Variants in GRIK3 observed in about 807,000 individuals in gnomAD.
The protein encoded by GRIK3 is glutamate receptor ionotropic, kainate 3.
A neutral mutation model predicts 102.5 loss-of-function variants in GRIK3; 29 were observed. The ratio of observed to expected loss-of-function variants is 0.28; its 90% CI spans 0.21 to 0.39. The LOEUF (loss-of-function observed/expected upper bound fraction) is 0.39. Among genes scored for constraint, GRIK3 ranks in the 10% least tolerant of loss-of-function variants. The probability of loss-of-function intolerance (pLI) is 1.00; values close to 1 mark genes in which losing one functional copy is unlikely to be tolerated. For missense variants in GRIK3, 908 were observed against 1,252.4 expected (o/e 0.73, Z 4.15); for synonymous variants, 511 against 504.9 (o/e 1.01, Z -0.16).
intron 11 of GRIK3, among the ~76,000 whole-genome samples, chr1:36,824,356 G>C (rs953633135): frequency 6.6e-6 from 1 of 152,200 alleles, no homozygotes; most frequent in Non-Finnish European, 1.5e-5. Flanking sequence ...TAGACCATTA[G>C]AGACAAGAGG....
chr1:36,934,037 G>A (rs1411992236), intron 1 of GRIK3, among the ~76,000 whole-genome samples: 1 of 152,216 alleles, frequency 6.6e-6, no homozygotes, highest in Admixed American at 6.5e-5. Context: ...ACCAGGGCCT[G>A]AGCAGTAAGG....
intron 5 of GRIK3, among the ~76,000 whole-genome samples, chr1:36,863,860 C>T (rs1268817508): frequency 1.3e-5 from 2 of 152,164 alleles, no homozygotes; most frequent in African/African-American, 2.4e-5. Context: ...AAGGGTCAGC[C>T]AGCTGAGTGG....
chr1:36,980,732 G>A (rs775888964), intron 1 of GRIK3, among the ~76,000 whole-genome samples: 9 of 151,970 alleles, frequency 5.9e-5, no homozygotes, highest in African/African-American at 1.7e-4. Flanking sequence ...GAGCATAACC[G>A]AAGCAACAAA....
chr1:36,804,824 T>G, intron 15 of GRIK3, 163 bp downstream of exon 15: 2 of 894,204 alleles, frequency 2.2e-6, no homozygotes, highest in Non-Finnish European at 3.4e-6. Context: ...AAGTGCCAGG[T>G]CAGGACAGAG....
chr1:36,954,029 T>C (rs570501782), intron 1 of GRIK3, among the ~76,000 whole-genome samples: 15 of 152,158 alleles, frequency 9.9e-5, no homozygotes, highest in Non-Finnish European at 2.1e-4. Flanking sequence ...GCTCTGATGA[T>C]GGGAAACCGT....
intron 2 of GRIK3, among the ~76,000 whole-genome samples, chr1:36,883,526 C>G (rs1314190824): frequency 6.6e-6 from 1 of 152,224 alleles, no homozygotes; most frequent in Admixed American, 6.5e-5. Context: ...CTCTGGAAGA[C>G]AGACCCAAGG....
At chr1:36,908,428 T>C (rs1038586288) in intron 1 of GRIK3, among the ~76,000 whole-genome samples, 1 of 152,150 alleles carries the variant, frequency 6.6e-6, no homozygotes, top group African/African-American at 2.4e-5. Context: ...AGCCTGTAGC[T>C]TTGGGAGCTC....
intron 3 of GRIK3, among the ~76,000 whole-genome samples, chr1:36,879,429 G>T (rs1193124035): frequency 6.6e-6 from 1 of 152,202 alleles, no homozygotes; most frequent in African/African-American, 2.4e-5. Context: ...AGAGGTCGAG[G>T]TGATAGTGAG....
chr1:36,976,636 A>C (rs1270082431), intron 1 of GRIK3, among the ~76,000 whole-genome samples: 1 of 152,034 alleles, frequency 6.6e-6, no homozygotes, highest in Non-Finnish European at 1.5e-5. Flanking sequence ...ACTGCATCTC[A>C]AGGTATGCTA....
At chr1:36,937,568 C>T (rs952310424) in intron 1 of GRIK3, among the ~76,000 whole-genome samples, 5 of 152,036 alleles carry the variant, frequency 3.3e-5, no homozygotes, top group African/African-American at 1.2e-4. Flanking sequence ...AGATAAAGTC[C>T]CGTGCCTCAC....
chr1:36,859,107 C>A lies in GRIK3; in HGVS notation c.1104+1G>T. The A allele has an allele frequency of 6.2e-7, 1 of 1,604,226 alleles. No homozygotes were observed. The highest frequency in any genetic ancestry group is 8.5e-7 in the Non-Finnish European group (1 of 1,173,258). On this transcript the variant is annotated splice_donor_variant, in intron 7 of 15. Transcript: ENST00000373091. LOFTEE classifies it high-confidence loss of function. Reference sequence around the variant, plus strand: ...ACTGGTGGGGGCTGTGGGGCACTCACCTCCTTGATGAAGTTCATGAAGCGG... The same window carrying A: ...ACTGGTGGGGGCTGTGGGGCACTCAACTCCTTGATGAAGTTCATGAAGCGG...
chr1:36,869,277 C>T (rs1640818308), intron 5 of GRIK3, among the ~76,000 whole-genome samples: 2 of 152,120 alleles, frequency 1.3e-5, no homozygotes, highest in East Asian at 1.9e-4. Context: ...GAATCCAAAG[C>T]GACAATTCCC....
intron 1 of GRIK3, 123 bp from the exon 2 acceptor site, chr1:36,891,219 G>A (rs112034658): frequency 2.8e-5 from 19 of 676,022 alleles, no homozygotes; most frequent in Non-Finnish European, 4.3e-5. Context: ...TAATATCCTA[G>A]GTAACTGCCA....
intron 1 of GRIK3, among the ~76,000 whole-genome samples, chr1:36,952,923 C>G (rs146946488): frequency 6.6e-6 from 1 of 152,146 alleles, no homozygotes; most frequent in African/African-American, 2.4e-5. Context: ...GTAGAGGGAA[C>G]AGCACGTGCA....
chr1:36,841,545 G>C (rs1640449616), intron 10 of GRIK3, among the ~76,000 whole-genome samples, 191 bp downstream of exon 10: 2 of 152,166 alleles, frequency 1.3e-5, no homozygotes, highest in Non-Finnish European at 2.9e-5. Context: ...GTATGAGCAA[G>C]GCAGCCCATG....
chr1:36,970,949 G>A (rs979529948), intron 1 of GRIK3, among the ~76,000 whole-genome samples: 2 of 152,170 alleles, frequency 1.3e-5, no homozygotes, highest in Admixed American at 1.3e-4. Flanking sequence ...AACTGACTAG[G>A]TGATGATGTG....
chr1:36,995,448 C>G (rs1642410372), intron 1 of GRIK3, among the ~76,000 whole-genome samples: 1 of 152,186 alleles, frequency 6.6e-6, no homozygotes. Context: ...TACTAGGTAA[C>G]AGCCATTATG....
chr1:36,956,445 C>T (rs774276413), intron 1 of GRIK3, among the ~76,000 whole-genome samples: 27 of 152,238 alleles, frequency 1.8e-4, no homozygotes, highest in Non-Finnish European at 3.1e-4. Context: ...CAGCATTCCG[C>T]ATGCCCACCG....
At chr1:36,863,477 C>T (rs1331051419) in intron 5 of GRIK3, among the ~76,000 whole-genome samples, 4 of 151,696 alleles carry the variant, frequency 2.6e-5, no homozygotes, top group Admixed American at 2.6e-4. Flanking sequence ...CCTTCCTACC[C>T]TCTCAATTTT....
Sources: allele counts gnomAD v4.1 joint callset (sites outside exome capture counted in the v4.1 genomes callset), GRCh38; gene constraint gnomAD v4.1.1; transcripts MANE v1.5; gene names NCBI Gene and HGNC (gene_info 2026-07-23, HGNC 2026-07-21).